XPC: variants seen among roughly 807,000 people sequenced by gnomAD.
The protein encoded by XPC is DNA repair protein complementing XP-C cells.
Under a neutral mutation model 95.8 loss-of-function variants are expected in XPC, and 76 were observed. The ratio of observed to expected loss-of-function variants is 0.79; its 90% confidence interval spans 0.66 to 0.96. The LOEUF is 0.96. Ranked by LOEUF, XPC falls within the 40% of genes least tolerant of loss-of-function variation. The pLI, the probability that XPC is intolerant of heterozygous loss-of-function variation, is 0.00. For missense variants in XPC, 1,146 were observed against 1,179.8 expected, an observed-to-expected ratio of 0.97 and a Z score of 0.42; for synonymous variants, 442 against 442.1, an observed-to-expected ratio of 1.00 and a Z score of 0.00.
chr3:14,152,287 A>C, intron 11 of XPC, 48 bp downstream of exon 11: 6 of 1,533,440 alleles, frequency 3.9e-6, no homozygotes, highest in Non-Finnish European at 4.5e-6. Flanking sequence ...CCGCTCAGCT[A>C]CAGGCCTGTG....
At chr3:14,176,308 A>T (rs1455817160) in intron 1 of XPC, among the ~76,000 whole-genome samples, 1 of 152,104 alleles carries the variant, frequency 6.6e-6, no homozygotes, top group Non-Finnish European at 1.5e-5. Flanking sequence ...CCTTTTTGTG[A>T]CCCCTTGCTA....
In XPC at chr3:14,147,904, T is replaced by C; in HGVS notation, c.2514+4A>G. 2 of 1,595,800 alleles carry C rather than the reference T, an allele frequency of 1.3e-6. No homozygotes were observed. The highest frequency in any genetic ancestry group is 1.7e-6 in the Non-Finnish European group (2 of 1,170,198). ...CTGTCCCTCAGTCCTGCATATGCGCTTACCTCCTTCTCCTTCCTTTCAATG... is the reference window on the plus strand; with the variant it reads ...CTGTCCCTCAGTCCTGCATATGCGCCTACCTCCTTCTCCTTCCTTTCAATG... On this transcript the variant is annotated splice_donor_region_variant and intron_variant, in intron 14 of 15. Coordinates refer to ENST00000285021, the MANE Select transcript of XPC (RefSeq NM_004628.5).
chr3:14,173,005 C>T lies in XPC; in HGVS notation c.161G>A (p.Gly54Glu). 1 of 1,610,948 alleles carries T rather than the reference C, an allele frequency of 6.2e-7. No individual in the cohort carries two copies. The highest frequency in any genetic ancestry group is 8.5e-7 in the Non-Finnish European group (1 of 1,178,748). Residue 54 changes from glycine (G) to glutamate (E), a missense_variant, in exon 2 of 16, where the codon GGA becomes GAA. Coordinates refer to ENST00000285021, the MANE Select transcript of XPC (RefSeq NM_004628.5). ...ATGACTGCAGCCTCTTTTCCTCTTTCCTTGTGAAACTTTGGAGAGAAGGCT... is the reference window on the plus strand; with the variant it reads ...ATGACTGCAGCCTCTTTTCCTCTTTTCTTGTGAAACTTTGGAGAGAAGGCT... ...KKSLLSKVSQ[G>E]KRKRGCSHPG...
rs200485886 is a variant in XPC at position 14,167,216 on chromosome 3, T to C, written c.574A>G (p.Arg192Gly). The change falls in exon 5 of 16, where the codon AGG (arginine) becomes GGG (glycine). Residue 192 changes from arginine (R) to glycine (G), a missense_variant. Transcript: ENST00000285021. Reference protein sequence around the residue: ...IKLEFETYLRRAMKRFNKGVH... With the variant: ...IKLEFETYLRGAMKRFNKGVH... ...CCTTTATTGAAACGTTTCATCGCCC[T>C]CCGAAGATATGTCTCAAACTCCAGT... 285 of 1,611,016 alleles carry C rather than the reference T, an allele frequency of 1.8e-4. No homozygotes were observed. Among genetic ancestry groups the C allele is most frequent in the Non-Finnish European group, 2.4e-4 (277 of 1,178,578 alleles).
chr3:14,166,303 C>T (rs1696376041), intron 5 of XPC, among the ~76,000 whole-genome samples: 1 of 152,154 alleles, frequency 6.6e-6, no homozygotes, highest in South Asian at 2.1e-4. Context: ...TCTTTCACCT[C>T]CAGCACCCAA....
intron 10 of XPC, among the ~76,000 whole-genome samples, chr3:14,155,100 G>GC (rs1268647288): frequency 6.6e-6 from 1 of 152,094 alleles, no homozygotes; most frequent in African/African-American, 2.4e-5. Flanking sequence ...GCAAAGCCCT[G>GC]CCCCTGCCCA....
At chr3:14,150,885 G>A (rs1695660498) in intron 11 of XPC, among the ~76,000 whole-genome samples, 1 of 152,208 alleles carries the variant, frequency 6.6e-6, no homozygotes, top group Non-Finnish European at 1.5e-5. Context: ...GGAATGCAGA[G>A]GCAGTGAGCA....
intron 11 of XPC, among the ~76,000 whole-genome samples, chr3:14,150,355 C>A (rs1007409175): frequency 4.6e-5 from 7 of 152,372 alleles, no homozygotes; most frequent in Non-Finnish European, 8.8e-5. Flanking sequence ...ATTCTTTATT[C>A]TTCTCATTCT....
In XPC at chr3:14,152,431, C is replaced by A; in HGVS notation, c.2034-15G>T. 1 of 1,605,554 alleles carries A rather than the reference C, an allele frequency of 6.2e-7. No homozygotes were observed. Among genetic ancestry groups the A allele is most frequent in the East Asian group, 2.2e-5 (1 of 44,578 alleles). ...GCACACAATCCCTGTGGAACCAACACAGGACACAAAGGTAACTCAGTCCAC... is the reference window on the plus strand; with the variant it reads ...GCACACAATCCCTGTGGAACCAACAAAGGACACAAAGGTAACTCAGTCCAC... On this transcript the variant is annotated splice_polypyrimidine_tract_variant and intron_variant, in intron 10 of 15. Transcript: ENST00000285021.
At chr3:14,164,549 T>C in intron 7 of XPC, 2 of 335,960 alleles carry the variant, frequency 6.0e-6, no homozygotes, top group Non-Finnish European at 5.3e-6. Context: ...GGCTTTTTGG[T>C]ACACCACAAC....
In XPC at chr3:14,178,468, T is replaced by C; in HGVS notation, c.101A>G (p.Glu34Gly). ...AGCCCGCTGGGCCTCGCTCTCACCC[T>C]CCTCCTCCTCCTCACGCCGGGCCTT... is the stretch of plus-strand genomic sequence containing the variant. ...KSKARREEEE[E>G]DAFEDEKPPK... Residue 34 changes from glutamate to glycine, a missense_variant and splice_region_variant, in exon 1 of 16, where the codon GAG (glutamate) becomes GGG (glycine). Coordinates refer to ENST00000285021, the MANE Select transcript of XPC (RefSeq NM_004628.5). 6.9e-7 allele frequency: 1 copy of C among 1,452,962 alleles called. No homozygotes were observed. The allele number at this position is 1,452,962 out of a possible 1,614,324, so 90.0% of individuals were successfully genotyped here.
At chr3:14,157,263 A>T (rs1020394007) in intron 9 of XPC, among the ~76,000 whole-genome samples, 4 of 152,124 alleles carry the variant, frequency 2.6e-5, no homozygotes, top group Admixed American at 2.6e-4. Flanking sequence ...CCTGGAGCAA[A>T]CACTCAATAT....
Position 14,158,000 on chromosome 3 carries a change from C to T in XPC, c.1872+11G>A. The T allele has an allele frequency of 6.3e-7, 1 of 1,587,058 alleles. No homozygotes were observed. The highest frequency in any genetic ancestry group is 8.6e-7 in the Non-Finnish European group (1 of 1,161,596). On this transcript the variant is annotated intron_variant, in intron 9 of 15. Transcript: ENST00000285021. ...ACTGTGTCTTGGAGCCCCTGGCAGC[C>T]AAGGCCTTACCTCCAAGTCTTCTTT...
At position 14,170,440 on chromosome 3, in the gene XPC, T is replaced by TC. The variant is rs1208223013; in HGVS notation, c.409dup (p.Glu137GlyfsTer4). On this transcript the variant is annotated frameshift_variant, in exon 3 of 16. Coordinates refer to ENST00000285021, the MANE Select transcript of XPC (RefSeq NM_004628.5). LOFTEE classifies it high-confidence loss of function. ...GAAAACAAAGAAAGATGTTTCACCTTCAACCTCTTCCCAATCATTTTCACT... is the reference window on the plus strand; with the variant it reads ...GAAAACAAAGAAAGATGTTTCACCTTCCAACCTCTTCCCAATCATTTTCACT... 1.2e-6 allele frequency: 2 copies of TC among 1,613,014 alleles called. No individual in the cohort carries two copies. Among genetic ancestry groups the TC allele is most frequent in the African/African-American group, 2.7e-5 (2 of 75,052 alleles).
At chr3:14,172,484 T>C (rs1305115865) in intron 2 of XPC, among the ~76,000 whole-genome samples, 1 of 152,110 alleles carries the variant, frequency 6.6e-6, no homozygotes, top group Non-Finnish European at 1.5e-5. Flanking sequence ...GTTCAGTGAA[T>C]GATGAGAAGC....
chr3:14,172,741 C>T, intron 2 of XPC, 126 bp downstream of exon 2: 1 of 1,124,096 alleles, frequency 8.9e-7, no homozygotes, highest in South Asian at 1.8e-5. Flanking sequence ...TGAGTTGTAC[C>T]TAGAAGAATT....
intron 11 of XPC, 117 bp from the exon 12 acceptor site, chr3:14,149,065 T>A (rs1695576483): frequency 1.4e-6 from 2 of 1,405,048 alleles, no homozygotes; most frequent in Non-Finnish European, 1.9e-6. Flanking sequence ...AGAACACACC[T>A]ACCAGCTGGG....
At chr3:14,167,820 G>C (rs1260243748) in intron 4 of XPC, among the ~76,000 whole-genome samples, 1 of 152,192 alleles carries the variant, frequency 6.6e-6, no homozygotes, top group East Asian at 1.9e-4. Context: ...GAAGGATAGG[G>C]GCTCCCTACC....
rs587778761 is a variant in XPC at position 14,165,471 on chromosome 3, G to A, written c.736C>T (p.Pro246Ser). Residue 246 changes from proline (P) to serine (S), a missense_variant, in exon 6 of 16, where the codon CCT (proline) becomes TCT (serine). Transcript: ENST00000285021. ...IIPARFTRVL[P>S]RDVDTYYLSN... is the part of the protein sequence containing the mutation. ...AGGTAGTAGGTGTCCACATCTCGAG[G>A]CAGCACTCTGGTAAAGCGGGCTGGG... 12 of 1,604,056 alleles carry A rather than the reference G, an allele frequency of 7.5e-6. No individual in the cohort carries two copies. In the African/African-American group the frequency reaches 1.3e-4, roughly 18 times the overall value.
Sources: allele counts gnomAD v4.1 joint callset (sites outside exome capture counted in the v4.1 genomes callset), GRCh38; gene constraint gnomAD v4.1.1; transcripts MANE v1.5; gene names NCBI Gene and HGNC (gene_info 2026-07-23, HGNC 2026-07-21).